The following CROT variants were observed in gnomAD, a reference collection of about 807,000 sequenced individuals.
CROT encodes the protein carnitine O-octanoyltransferase.
In CROT, 84 loss-of-function variants were observed where a neutral mutation model predicts 89.2. That is an observed-to-expected ratio of 0.94 (90% confidence interval 0.79 to 1.13). The LOEUF (loss-of-function observed/expected upper bound fraction) is 1.13. Among genes scored for constraint, CROT ranks in the 50% most tolerant of loss-of-function variants. The pLI is 0.00. For synonymous variants in CROT, 212 were observed against 239.5 expected, an observed-to-expected ratio of 0.89 and a Z score of 1.06; for missense variants, 711 against 727.8, an observed-to-expected ratio of 0.98 and a Z score of 0.27.
intron 17 of CROT, among the ~76,000 whole-genome samples, chr7:87,395,593 G>A (rs995379765): frequency 2.6e-5 from 4 of 152,192 alleles, no homozygotes; most frequent in African/African-American, 9.7e-5. Context: ...AGCCTTGAAG[G>A]GAAAAGATAA....
intron 6 of CROT, among the ~76,000 whole-genome samples, chr7:87,366,272 G>T (rs557968567): frequency 4.0e-5 from 6 of 151,708 alleles, no homozygotes; most frequent in Non-Finnish European, 8.8e-5. Flanking sequence ...AGCACTACAG[G>T]GCCTGTGGGA....
chr7:87,364,536 T>A (rs1050431180), intron 6 of CROT, among the ~76,000 whole-genome samples: 1 of 152,178 alleles, frequency 6.6e-6, no homozygotes, highest in African/African-American at 2.4e-5. Flanking sequence ...CTGGAAGAGA[T>A]GAAAGCAGAT....
At chr7:87,348,762 C>A (rs1805777812) in intron 2 of CROT, among the ~76,000 whole-genome samples, 1 of 152,176 alleles carries the variant, frequency 6.6e-6, no homozygotes, top group Non-Finnish European at 1.5e-5. Flanking sequence ...CACATGTTTT[C>A]TGTAATGCAA....
At chr7:87,353,983 A>G (rs574144126) in intron 3 of CROT, among the ~76,000 whole-genome samples, 3 of 152,362 alleles carry the variant, frequency 2.0e-5, no homozygotes, top group East Asian at 3.9e-4. Flanking sequence ...ACAGTCTTGT[A>G]GTGATTAATT....
At chr7:87,358,490 A>AC (rs1489909842) in intron 3 of CROT, among the ~76,000 whole-genome samples, 1 of 151,402 alleles carries the variant, frequency 6.6e-6, no homozygotes, top group African/African-American at 2.4e-5. Flanking sequence ...TCAAAAAAAA[A>AC]AAAAAAAAAA....
rs1442565699 is a variant in CROT, at chr7:87,346,349, T to TA, written c.-102dup. The TA allele has an allele frequency of 6.6e-6, 1 of 152,250 alleles. No homozygotes were observed. The highest frequency in any genetic ancestry group is 1.5e-5 in the Non-Finnish European group (1 of 68,054). 9.4% of individuals were successfully genotyped at this position (152,250 alleles called of 1,614,324 possible). A position where few individuals can be genotyped will look rare whatever the true frequency, so the allele number is the denominator to read the frequency against. ...TTCTTTCTTCCCACAGTCACCGACT[T>TA]AGTCCAGTTCCCTGTGATCTCAAAA... On this transcript the variant is annotated 5_prime_UTR_variant, in exon 2 of 18. Coordinates refer to ENST00000331536, the MANE Select transcript of CROT (RefSeq NM_021151.4).
chr7:87,348,120 G>A (rs1036999324), intron 2 of CROT, among the ~76,000 whole-genome samples: 1 of 152,064 alleles, frequency 6.6e-6, no homozygotes, highest in Non-Finnish European at 1.5e-5. Context: ...TAGTTTTTGA[G>A]AGAATAGGAA....
chr7:87,384,794 G>C (rs1807138033), intron 13 of CROT, among the ~76,000 whole-genome samples: 1 of 152,182 alleles, frequency 6.6e-6, no homozygotes, highest in South Asian at 2.1e-4. Context: ...GCCCAGTTCA[G>C]TGTCTTACAG....
chr7:87,354,444 G>A (rs1180277549), intron 3 of CROT: 1 of 513,124 alleles, frequency 1.9e-6, no homozygotes, highest in East Asian at 5.5e-5. Flanking sequence ...TTATAGCATA[G>A]GATTACCTCA....
Position 87,381,946 on chromosome 7 carries a change from A to G in CROT, c.1015A>G (p.Ser339Gly). Residue 339 changes from serine to glycine, a missense_variant, in exon 11 of 18, where the codon AGT becomes GGT. Physicochemically the swap from Ser to Gly is moderately conservative, Grantham distance 56 (BLOSUM62 0). Transcript: ENST00000331536. ...TGATGCAATGATTATGGTGAACATC[A>G]GTTATTATGTGGATGAGAAAATTTT... ...PFDAMIMVNI[S>G]YYVDEKIFQN... The G allele has an allele frequency of 6.2e-7, 1 of 1,610,846 alleles. No homozygotes were observed. Among genetic ancestry groups the G allele is most frequent in the Non-Finnish European group, 8.5e-7 (1 of 1,178,320 alleles).
intron 3 of CROT, among the ~76,000 whole-genome samples, chr7:87,351,445 T>G (rs1167767156): frequency 6.6e-6 from 1 of 152,118 alleles, no homozygotes; most frequent in African/African-American, 2.4e-5. Context: ...AAGAGGTAAT[T>G]CACTGCGTAC....
intron 13 of CROT, among the ~76,000 whole-genome samples, chr7:87,389,861 C>G (rs1309575190): frequency 1.3e-5 from 2 of 152,122 alleles, no homozygotes; most frequent in East Asian, 1.9e-4. Flanking sequence ...TTGCCAGAAA[C>G]TAGCTCATCA....
At position 87,378,492 on chromosome 7, in the gene CROT, C is replaced by G. The variant is rs576664426; in HGVS notation, c.978+1042C>G. Among the ~76,000 whole-genome samples the G allele has an allele frequency of 3.7e-4, 57 of 152,252 alleles. No individual in the cohort carries two copies. In the South Asian group the frequency reaches 0.011, roughly 29 times the overall value. On this transcript the variant is annotated intron_variant, in intron 10 of 17. Transcript: ENST00000331536. ...TTTGGGTAAAGCTGACTTCAATGTT[C>G]AAATGCTTTCATTAGAAATCTCTCC...
At chr7:87,385,712 A>G (rs894819776) in intron 13 of CROT, among the ~76,000 whole-genome samples, 5 of 152,132 alleles carry the variant, frequency 3.3e-5, no homozygotes, top group African/African-American at 1.2e-4. Context: ...TTCCAATACT[A>G]TGTTGCATAA....
chr7:87,345,843 C>T (rs1333870252), intron 1 of CROT, 76 bp downstream of exon 1: 1 of 166,572 alleles, frequency 6.0e-6, no homozygotes, highest in Non-Finnish European at 1.2e-5. Flanking sequence ...CGTGCAGAAC[C>T]GCAAAGGTGC....
chr7:87,396,228 A>T (rs1807520193), intron 17 of CROT, among the ~76,000 whole-genome samples: 1 of 152,152 alleles, frequency 6.6e-6, no homozygotes, highest in Admixed American at 6.5e-5. Flanking sequence ...CAGGAGTTTG[A>T]GACCATCCTG....
intron 3 of CROT, among the ~76,000 whole-genome samples, chr7:87,352,264 A>C (rs977710064): frequency 6.6e-6 from 1 of 152,194 alleles, no homozygotes; most frequent in Non-Finnish European, 1.5e-5. Context: ...AAGGTATGCC[A>C]TCAATGGCCA....
At chr7:87,364,594 T>G (rs540568203) in intron 6 of CROT, among the ~76,000 whole-genome samples, 1 of 152,350 alleles carries the variant, frequency 6.6e-6, no homozygotes, top group East Asian at 1.9e-4. Context: ...AAGAAAAGTT[T>G]TGATGTGCAC....
chr7:87,361,597 C>CA, intron 5 of CROT, 26 bp downstream of exon 5: 3 of 1,562,726 alleles, frequency 1.9e-6, no homozygotes, highest in African/African-American at 2.8e-5. Flanking sequence ...AATTTAGTGA[C>CA]AGGCTTACCT....
Sources: allele counts gnomAD v4.1 joint callset (sites outside exome capture counted in the v4.1 genomes callset), GRCh38; gene constraint gnomAD v4.1.1; transcripts MANE v1.5; gene names NCBI Gene and HGNC (gene_info 2026-07-23, HGNC 2026-07-21).